The following BTN3A1 variants were observed in gnomAD, a reference collection of about 807,000 sequenced individuals.
The protein encoded by BTN3A1 is dJ45P21.3 (butyrophilin, subfamily 3, member A1).
Under a neutral mutation model 43.0 loss-of-function variants are expected in BTN3A1, and 24 were observed. That is an observed-to-expected ratio of 0.56 (90% confidence interval 0.40 to 0.78). BTN3A1 has a LOEUF of 0.78. Ranked by LOEUF, BTN3A1 falls within the 30% of genes least tolerant of loss-of-function variation. The pLI, the probability that BTN3A1 is intolerant of heterozygous loss-of-function variation, is 0.00. For missense variants in BTN3A1, 533 were observed against 626.2 expected (o/e 0.85, Z 1.59); for synonymous variants, 181 against 234.7 (o/e 0.77, Z 2.09).
intron 9 of BTN3A1, 158 bp from the exon 10 acceptor site, chr6:26,413,011 C>G: frequency 6.8e-7 from 1 of 1,471,546 alleles, no homozygotes; most frequent in Non-Finnish European, 9.0e-7. Flanking sequence ...CTGGGGCTTT[C>G]TCTCCTGACA....
chr6:26,406,423 C>T (rs1158428078), intron 3 of BTN3A1, among the ~76,000 whole-genome samples, 167 bp downstream of exon 3: 1 of 151,294 alleles, frequency 6.6e-6, no homozygotes, highest in Non-Finnish European at 1.5e-5. Flanking sequence ...CACAGGTTTT[C>T]CTTTAGGAAG....
chr6:26,412,734 T>C (rs1313432430), intron 9 of BTN3A1: 6 of 1,551,344 alleles, frequency 3.9e-6, no homozygotes, highest in Non-Finnish European at 5.2e-6. Context: ...GAGGCTCCAC[T>C]TTGTTAAATA....
intron 1 of BTN3A1, among the ~76,000 whole-genome samples, chr6:26,403,402 T>A (rs1200042808): frequency 1.3e-5 from 2 of 152,334 alleles, no homozygotes; most frequent in Non-Finnish European, 2.9e-5. Flanking sequence ...TAGTTTGGAC[T>A]ATTTCTCTTT....
chr6:26,412,410 A>G, intron 9 of BTN3A1: 1 of 940,526 alleles, frequency 1.1e-6, no homozygotes, highest in Non-Finnish European at 1.7e-6. Flanking sequence ...ATCTCCTATC[A>G]GGGCCTCCCA....
intron 1 of BTN3A1, chr6:26,404,168 G>A (rs1172559171): frequency 3.9e-5 from 6 of 152,200 alleles, no homozygotes; most frequent in Non-Finnish European, 5.9e-5. Flanking sequence ...CAGACCCACA[G>A]CAAGAGGGAT....
chr6:26,411,667 T>C (rs12214924), intron 9 of BTN3A1, 86 bp downstream of exon 9: 239,385 of 1,499,970 alleles, frequency 0.16, 20,306 homozygotes, highest in South Asian at 0.23. Context: ...CTGTTGTGAT[T>C]TGGGGAAGAA....
rs369388255 is a variant in BTN3A1, at chr6:26,409,492, A to C, written c.716-41A>C. 3.8e-6 allele frequency: 6 copies of C among 1,595,824 alleles called. No homozygotes were observed. In the East Asian group the frequency reaches 1.3e-4, roughly 36 times the overall value. On this transcript the variant is annotated intron_variant, in intron 4 of 9. Transcript: ENST00000289361. ...GGGGCGCTGCAGTCTGGGGAGGCTG[A>C]GTGCACCGGCCCCCATGACCCACAG...
Position 26,414,995 on chromosome 6 carries a change from A to G in BTN3A1, c.*1303A>G, listed in dbSNP as rs145589112. The G allele has an allele frequency of 6.6e-6, 1 of 152,210 alleles. No individual in the cohort carries two copies. The highest frequency in any genetic ancestry group is 2.4e-5 in the African/African-American group (1 of 41,508). 9.4% of individuals were successfully genotyped at this position (152,210 alleles called of 1,614,324 possible). A position where few individuals can be genotyped will look rare whatever the true frequency, so the allele number is the denominator to read the frequency against. ...CACCGGGTGACCGGCTTACAGGGAT[A>G]TTTTTAATCCCGTTATGGACTCTGT... On this transcript the variant is annotated 3_prime_UTR_variant, in exon 10 of 10. Coordinates refer to ENST00000289361, the MANE Select transcript of BTN3A1 (RefSeq NM_007048.6).
chr6:26,405,686 A>G (rs1761991663), intron 2 of BTN3A1, 38 bp downstream of exon 2: 1 of 1,609,446 alleles, frequency 6.2e-7, no homozygotes, highest in Non-Finnish European at 8.5e-7. Context: ...GAAGCAGACA[A>G]TTACCTAATT....
rs183295510 is a variant in BTN3A1, at chr6:26,414,409, G to T, written c.*717G>T. On this transcript the variant is annotated 3_prime_UTR_variant, in exon 10 of 10. Transcript: ENST00000289361. ...CCTGTTGACTCCTTCCCAGCTGATTGTCAGAGCCTTAGACCCAGCACGCCT... is the reference window on the plus strand; with the variant it reads ...CCTGTTGACTCCTTCCCAGCTGATTTTCAGAGCCTTAGACCCAGCACGCCT... 6.5e-6 allele frequency: 1 copy of T among 153,968 alleles called. No homozygotes were observed. Among genetic ancestry groups the T allele is most frequent in the Non-Finnish European group, 1.4e-5 (1 of 69,298 alleles). 9.5% of individuals were successfully genotyped at this position (153,968 alleles called of 1,614,324 possible).
At position 26,412,294 on chromosome 6, in the gene BTN3A1, G is replaced by T. The variant is rs188296410; in HGVS notation, c.1018+713G>T. 173 of 606,756 alleles carry T rather than the reference G, an allele frequency of 2.9e-4. 1 individual carries two copies. The highest frequency in any genetic ancestry group is 9.3e-4 in the Admixed American group (31 of 33,472). 37.6% of individuals were successfully genotyped at this position (606,756 alleles called of 1,614,324 possible). ...GAATAAGAAGTAGCTCAAAGAGAGGGCTCCCTGAGAAGAGTCTTCAGGCCT... is the reference window on the plus strand; with the variant it reads ...GAATAAGAAGTAGCTCAAAGAGAGGTCTCCCTGAGAAGAGTCTTCAGGCCT... On this transcript the variant is annotated intron_variant, in intron 9 of 9. Transcript: ENST00000289361.
Position 26,407,704 on chromosome 6 carries a change from G to T in BTN3A1, c.467G>T (p.Gly156Val), listed in dbSNP as rs1762065589. ...TCTGATCTTCACGTTGATGTGAAGG[G>T]TTACAAGGATGGAGGGATCCATCTG... is the stretch of plus-strand genomic sequence containing the variant. ...LGSDLHVDVK[G>V]YKDGGIHLEC... Residue 156 changes from glycine (G) to valine (V), a missense_variant, in exon 4 of 10, where the codon GGT (glycine) becomes GTT (valine). Gly to Val is a moderately radical substitution (Grantham distance 109). This residue lies in a region of BTN3A1 where 51 missense variants were observed against 90.9 expected (regional missense o/e 0.56). Coordinates refer to ENST00000289361, the MANE Select transcript of BTN3A1 (RefSeq NM_007048.6). 2 of 1,614,206 alleles carry T rather than the reference G, an allele frequency of 1.2e-6. No homozygotes were observed. Among genetic ancestry groups the T allele is most frequent in the East Asian group, 2.2e-5 (1 of 44,890 alleles).
At chr6:26,407,551 G>A (rs1370663459) in intron 3 of BTN3A1, 120 bp from the exon 4 acceptor site, 6 of 1,283,120 alleles carry the variant, frequency 4.7e-6, no homozygotes, top group Non-Finnish European at 5.4e-6. Context: ...CCACACTTTT[G>A]TAAGCAGCTC....
Position 26,406,262 on chromosome 6 carries a change from C to A in BTN3A1, c.433+6C>A. The A allele has an allele frequency of 1.8e-6, 2 of 1,084,736 alleles. No individual in the cohort carries two copies. Among genetic ancestry groups the A allele is most frequent in the Non-Finnish European group, 1.3e-6 (1 of 755,988 alleles). 67.2% of individuals were successfully genotyped at this position (1,084,736 alleles called of 1,614,324 possible). A position where few individuals can be genotyped will look rare whatever the true frequency, so the allele number is the denominator to read the frequency against. On this transcript the variant is annotated splice_donor_region_variant and intron_variant, in intron 3 of 9. Transcript: ENST00000289361. ...GGTGGAGCTGAAGGTTGCAGGTGAGCCTCCAGGTTTTGTTCTGAGAACATT... is the reference window on the plus strand; with the variant it reads ...GGTGGAGCTGAAGGTTGCAGGTGAGACTCCAGGTTTTGTTCTGAGAACATT...
intron 4 of BTN3A1, 150 bp from the exon 5 acceptor site, chr6:26,409,383 T>C (rs1249217951): frequency 2.7e-6 from 2 of 745,022 alleles, no homozygotes; most frequent in Admixed American, 5.0e-5. Flanking sequence ...CCCACTGTCC[T>C]CTGAGATTTT....
At chr6:26,412,421 T>C (rs1343656277) in intron 9 of BTN3A1, 32 of 1,147,122 alleles carry the variant, frequency 2.8e-5, no homozygotes, top group Non-Finnish European at 4.0e-5. Flanking sequence ...GGGCCTCCCA[T>C]TGGCCAAACC....
At chr6:26,412,936 CAG>C (rs34577398) in intron 9 of BTN3A1, 229,849 of 1,460,938 alleles carry the variant, frequency 0.16, 19,068 homozygotes, top group South Asian at 0.23. Context: ...TTGGGTTAGG[CAG>C]AGATGCTGAG....
intron 7 of BTN3A1, 84 bp from the exon 8 acceptor site, chr6:26,411,025 A>AAAAAAAAAAAAAAAAT: frequency 1.3e-6 from 1 of 796,990 alleles, no homozygotes; most frequent in African/African-American, 1.9e-5. Context: ...AAAAAAAAAG[A>AAAAAAAAAAAAAAAAT]TTAGATGGAT....
chr6:26,402,843 C>T (rs181360211), intron 1 of BTN3A1, among the ~76,000 whole-genome samples: 2 of 152,250 alleles, frequency 1.3e-5, no homozygotes, highest in South Asian at 2.1e-4. Flanking sequence ...GATAGACAAA[C>T]AATGCATGGT....
Sources: gnomAD v4.1 joint callset for allele counts (sites outside exome capture counted in the v4.1 genomes callset) on GRCh38, gnomAD v4.1.1 for gene constraint, gnomAD v4.1.1 regional missense constraint, MANE v1.5 for transcripts, NCBI Gene and HGNC (gene_info 2026-07-23, HGNC 2026-07-21) for gene names.